Variants in CNTN6 observed in about 807,000 individuals in gnomAD.
The protein encoded by CNTN6 is contactin 6.
A neutral mutation model predicts 122.8 loss-of-function variants in CNTN6; 137 were observed. The ratio of observed to expected loss-of-function variants is 1.12; its 90% CI spans 0.97 to 1.29. The LOEUF is 1.29. Ranked by LOEUF, CNTN6 falls within the 50% of genes most tolerant of loss-of-function variation. The pLI is 0.00. For missense variants in CNTN6, 1,634 were observed against 1,223.4 expected (o/e 1.34, Z -5.01); for synonymous variants, 570 against 426.0 (o/e 1.34, Z -4.16).
intron 2 of CNTN6, among the ~76,000 whole-genome samples, chr3:1,155,296 C>T (rs538602241): frequency 1.6e-4 from 25 of 152,264 alleles, no homozygotes; most frequent in African/African-American, 6.0e-4. Flanking sequence ...GTGCCTGACG[C>T]ATGGTACGCA....
intron 1 of CNTN6, among the ~76,000 whole-genome samples, chr3:1,141,193 C>A (rs1486780793): frequency 6.6e-6 from 1 of 152,092 alleles, no homozygotes; most frequent in African/African-American, 2.4e-5. Flanking sequence ...TGTGGAGCTA[C>A]CTGAACAAAG....
At chr3:1,232,406 G>T (rs1437196122) in intron 4 of CNTN6, among the ~76,000 whole-genome samples, 2 of 152,198 alleles carry the variant, frequency 1.3e-5, no homozygotes, top group East Asian at 1.9e-4. Flanking sequence ...ATAAGAAACA[G>T]CTACTTCCTG....
chr3:1,115,045 G>C (rs958610023), intron 1 of CNTN6, among the ~76,000 whole-genome samples: 1 of 152,026 alleles, frequency 6.6e-6, no homozygotes, highest in Admixed American at 6.6e-5. Flanking sequence ...TAGGTAAATT[G>C]AGCTGCAGGA....
intron 2 of CNTN6, among the ~76,000 whole-genome samples, chr3:1,201,107 G>C (rs1284022506): frequency 2.5e-5 from 2 of 78,942 alleles, no homozygotes; most frequent in African/African-American, 1.0e-4. Flanking sequence ...TTTTGTGTGT[G>C]TGTGTGTGTG....
intron 8 of CNTN6, among the ~76,000 whole-genome samples, chr3:1,322,147 T>A (rs1303103419): frequency 6.6e-6 from 1 of 151,722 alleles, no homozygotes; most frequent in African/African-American, 2.4e-5. Context: ...CATTAAACGT[T>A]CTGCAGCAGA....
intron 4 of CNTN6, among the ~76,000 whole-genome samples, chr3:1,234,901 GT>G (rs1191819716): frequency 6.6e-6 from 1 of 152,138 alleles, no homozygotes; most frequent in Non-Finnish European, 1.5e-5. Flanking sequence ...AGAAAACTTT[GT>G]CTTTGCTTTT....
chr3:1,313,891 A>G (rs1219817638), intron 7 of CNTN6, among the ~76,000 whole-genome samples: 1 of 152,040 alleles, frequency 6.6e-6, no homozygotes, highest in East Asian at 1.9e-4. Flanking sequence ...GTGTCCTCGC[A>G]TGGTGGAAGA....
intron 4 of CNTN6, among the ~76,000 whole-genome samples, chr3:1,239,066 T>C (rs955011296): frequency 2.6e-5 from 4 of 152,072 alleles, no homozygotes; most frequent in African/African-American, 9.7e-5. Flanking sequence ...CCTGGAAATA[T>C]ACAACTCTCC....
intron 4 of CNTN6, among the ~76,000 whole-genome samples, chr3:1,245,295 CAT>C (rs71056326): frequency 0.019 from 72 of 3,792 alleles, 7 homozygotes; most frequent in Non-Finnish European, 0.027. Context: ...ATATATATAA[CAT>C]ATATATATAT....
At chr3:1,320,578 A>G (rs1037916730) in intron 7 of CNTN6, among the ~76,000 whole-genome samples, 3 of 151,654 alleles carry the variant, frequency 2.0e-5, no homozygotes, top group Non-Finnish European at 4.4e-5. Flanking sequence ...AAAATGACTT[A>G]CTACCATTAT....
At chr3:1,386,449 G>A (rs1692950491) in intron 20 of CNTN6, among the ~76,000 whole-genome samples, 1 of 152,092 alleles carries the variant, frequency 6.6e-6, no homozygotes, top group South Asian at 2.1e-4. Context: ...CACAGAATCA[G>A]AATCTGCTAC....
intron 2 of CNTN6, among the ~76,000 whole-genome samples, chr3:1,157,104 C>G (rs2092989268): frequency 6.6e-6 from 1 of 151,730 alleles, no homozygotes; most frequent in Non-Finnish European, 1.5e-5. Context: ...TTGATATAGG[C>G]ATGCAATGCA....
chr3:1,241,455 A>G (rs2094482871), intron 4 of CNTN6, among the ~76,000 whole-genome samples: 1 of 151,970 alleles, frequency 6.6e-6, no homozygotes. Context: ...GTTAGAAGAA[A>G]CATTTGTCGT....
intron 4 of CNTN6, among the ~76,000 whole-genome samples, chr3:1,228,614 A>G (rs1432878225): frequency 6.6e-6 from 1 of 152,170 alleles, no homozygotes; most frequent in Non-Finnish European, 1.5e-5. Flanking sequence ...AATGTTTCAT[A>G]CTGGATTCAG....
At chr3:1,351,988 A>G (rs1342716972) in intron 11 of CNTN6, among the ~76,000 whole-genome samples, 4 of 151,964 alleles carry the variant, frequency 2.6e-5, no homozygotes. Flanking sequence ...TTTGGAAAAT[A>G]CAGAGTAAAT....
At chr3:1,165,005 G>A (rs1164271392) in intron 2 of CNTN6, among the ~76,000 whole-genome samples, 1 of 152,116 alleles carries the variant, frequency 6.6e-6, no homozygotes, top group Non-Finnish European at 1.5e-5. Flanking sequence ...CTGTAATAAG[G>A]TAATAAAGAC....
At chr3:1,280,377 T>G (rs767114728) in intron 5 of CNTN6, among the ~76,000 whole-genome samples, 5 of 151,034 alleles carry the variant, frequency 3.3e-5, no homozygotes, top group Admixed American at 6.6e-5. Flanking sequence ...AGTCACACAT[T>G]TACAAAAACT....
intron 4 of CNTN6, among the ~76,000 whole-genome samples, chr3:1,245,752 TAAAC>T (rs977092109): frequency 1.1e-4 from 17 of 151,730 alleles, no homozygotes; most frequent in African/African-American, 3.9e-4. Flanking sequence ...AACAAACAAA[TAAAC>T]AGCAAATACA....
intron 7 of CNTN6, among the ~76,000 whole-genome samples, chr3:1,306,871 T>C (rs1698443665): frequency 6.6e-6 from 1 of 152,202 alleles, no homozygotes; most frequent in South Asian, 2.1e-4. Flanking sequence ...CCCAGAAGAA[T>C]AGATTTATCA....
Sources: allele counts gnomAD v4.1 joint callset (sites outside exome capture counted in the v4.1 genomes callset), GRCh38; gene constraint gnomAD v4.1.1; transcripts MANE v1.5; gene names NCBI Gene and HGNC (gene_info 2026-07-23, HGNC 2026-07-21).